MECOM: variants seen among roughly 807,000 people sequenced by gnomAD.
The protein encoded by MECOM is MDS1 and EVI1 complex locus.
MECOM carries 13 observed loss-of-function variants against 116.3 expected under a neutral mutation model. The observed-to-expected ratio is 0.11, with a 90% CI of 0.07 to 0.18. The LOEUF (loss-of-function observed/expected upper bound fraction) is 0.18. MECOM is among the 10% of genes least tolerant of loss of function. The pLI, the probability that MECOM is intolerant of heterozygous loss-of-function variation, is 1.00. For missense variants in MECOM, 1,299 were observed against 1,509.0 expected, an observed-to-expected ratio of 0.86 and a Z score of 2.31; for synonymous variants, 528 against 535.2, an observed-to-expected ratio of 0.99 and a Z score of 0.19.
chr3:169,335,890 T>A (rs1276527525), intron 2 of MECOM, among the ~76,000 whole-genome samples: 1 of 152,148 alleles, frequency 6.6e-6, no homozygotes, highest in Admixed American at 6.6e-5. Context: ...TGATTTCATA[T>A]TATCTTAATA....
At chr3:169,234,247 C>T (rs1365608894) in intron 2 of MECOM, among the ~76,000 whole-genome samples, 5 of 151,976 alleles carry the variant, frequency 3.3e-5, no homozygotes, top group African/African-American at 7.2e-5. Flanking sequence ...GCCATTCAAG[C>T]GATGACCACT....
intron 2 of MECOM, among the ~76,000 whole-genome samples, chr3:169,273,821 C>T (rs1488740611): frequency 1.3e-5 from 2 of 151,956 alleles, no homozygotes; most frequent in Admixed American, 6.6e-5. Flanking sequence ...TGGTTTTGTC[C>T]CTGTGTGCTA....
intron 9 of MECOM, among the ~76,000 whole-genome samples, chr3:169,110,385 T>G (rs1726943928): frequency 6.6e-6 from 1 of 152,124 alleles, no homozygotes; most frequent in Admixed American, 6.6e-5. Context: ...CAATGCTAAA[T>G]ATGTTGCGTA....
intron 2 of MECOM, among the ~76,000 whole-genome samples, chr3:169,378,867 A>T (rs1398293823): frequency 6.6e-6 from 1 of 152,078 alleles, no homozygotes; most frequent in Non-Finnish European, 1.5e-5. Flanking sequence ...GTAGTCCCTC[A>T]ATAATTGTTT....
intron 2 of MECOM, among the ~76,000 whole-genome samples, chr3:169,250,432 C>T (rs1485914334): frequency 2.6e-5 from 4 of 152,102 alleles, no homozygotes; most frequent in African/African-American, 9.7e-5. Context: ...CAAGTGAAGA[C>T]CTTTATGCAA....
intron 1 of MECOM, among the ~76,000 whole-genome samples, chr3:169,494,481 A>T (rs1451689511): frequency 6.6e-6 from 1 of 152,236 alleles, no homozygotes; most frequent in Non-Finnish European, 1.5e-5. Context: ...CAATTAAAGC[A>T]AGGAAAAGTT....
chr3:169,170,280 G>A (rs995430325), intron 2 of MECOM, among the ~76,000 whole-genome samples: 1 of 151,508 alleles, frequency 6.6e-6, no homozygotes, highest in Non-Finnish European at 1.5e-5. Flanking sequence ...GTGTGGTGGC[G>A]CATGTAGTCC....
chr3:169,129,851 T>A (rs1393964794), intron 4 of MECOM, among the ~76,000 whole-genome samples: 1 of 152,164 alleles, frequency 6.6e-6, no homozygotes, highest in Admixed American at 6.5e-5. Flanking sequence ...TTTCCCTATA[T>A]GTAAAATGGA....
At chr3:169,662,274 C>A (rs1776377386) in intron 1 of MECOM, among the ~76,000 whole-genome samples, 1 of 152,204 alleles carries the variant, frequency 6.6e-6, no homozygotes, top group African/African-American at 2.4e-5. Flanking sequence ...GACCCTGGAC[C>A]CAGGCTGCAC....
intron 1 of MECOM, among the ~76,000 whole-genome samples, chr3:169,508,752 C>T (rs1755605542): frequency 6.6e-6 from 1 of 152,092 alleles, no homozygotes; most frequent in South Asian, 2.1e-4. Flanking sequence ...AAAGTTGTTG[C>T]CTCTTTGATG....
In MECOM at chr3:169,468,356, T is replaced by C. The variant is rs147559164; in HGVS notation, c.38-86832A>G. Among the ~76,000 whole-genome samples, 439 of 152,340 alleles carry C rather than the reference T, an allele frequency of 2.9e-3. 1 individual carries two copies. Among genetic ancestry groups the C allele is most frequent in the Middle Eastern group, 6.8e-3 (2 of 292 alleles). ...CACTGGTCTCATGTTCTCTCTTTTA[T>C]GTGTACAAACACGTACTTAATTCTT... is the stretch of plus-strand genomic sequence containing the variant. On this transcript the variant is annotated intron_variant, in intron 1 of 16. Coordinates refer to ENST00000651503, the MANE Select transcript of MECOM (RefSeq NM_004991.4).
chr3:169,648,136 G>A (rs551047216), intron 1 of MECOM, among the ~76,000 whole-genome samples: 11 of 152,238 alleles, frequency 7.2e-5, no homozygotes, highest in Admixed American at 2.0e-4. Flanking sequence ...TACTCCAGAA[G>A]CAGTAGAAGG....
chr3:169,113,669 A>T (rs1170103255), intron 8 of MECOM, among the ~76,000 whole-genome samples: 1 of 152,078 alleles, frequency 6.6e-6, no homozygotes, highest in Non-Finnish European at 1.5e-5. Context: ...TGTTGAATTA[A>T]TTCATTGAAT....
rs1479079770 is a variant in MECOM at position 169,132,015 on chromosome 3, G to A, written c.511-484C>T. 3.1e-6 allele frequency: 3 copies of A among 973,196 alleles called. No homozygotes were observed. The African/African-American group carries it at 5.3e-5, about 17-fold the overall frequency. 60.3% of individuals were successfully genotyped at this position (973,196 alleles called of 1,614,324 possible). ...TGTTTGGAAGGTAATAGGTTGAAAG[G>A]ACATGACATAAAGGATCATGACAAC... On this transcript the variant is annotated intron_variant, in intron 3 of 16. Coordinates refer to ENST00000651503, the MANE Select transcript of MECOM (RefSeq NM_004991.4).
Position 169,381,605 on chromosome 3 carries a change from T to C in MECOM, c.38-81A>G, listed in dbSNP as rs534970405. 7 of 1,082,450 alleles carry C rather than the reference T, an allele frequency of 6.5e-6. No homozygotes were observed. In the South Asian group the frequency reaches 8.5e-5, roughly 13 times the overall value. 67.1% of individuals were successfully genotyped at this position (1,082,450 alleles called of 1,614,324 possible). On this transcript the variant is annotated intron_variant, in intron 1 of 16. Coordinates refer to ENST00000651503, the MANE Select transcript of MECOM (RefSeq NM_004991.4). ...CACAGGGGTAGCCACCTTATTATGT[T>C]GTTCTTTGAAGGATAAACAGGAAAG...
intron 1 of MECOM, among the ~76,000 whole-genome samples, chr3:169,402,691 C>T (rs1055851467): frequency 1.3e-5 from 2 of 152,052 alleles, no homozygotes; most frequent in Non-Finnish European, 2.9e-5. Flanking sequence ...CATTAGAGGA[C>T]ACCTTCACTA....
chr3:169,539,139 A>G (rs1759753860), intron 1 of MECOM, among the ~76,000 whole-genome samples: 1 of 152,136 alleles, frequency 6.6e-6, no homozygotes, highest in African/African-American at 2.4e-5. Flanking sequence ...GTTGTTCTTT[A>G]AATATATTAG....
rs529600386 is a variant in MECOM at position 169,535,084 on chromosome 3, C to T, written c.37+128252G>A. On this transcript the variant is annotated intron_variant, in intron 1 of 16. Coordinates refer to ENST00000651503, the MANE Select transcript of MECOM (RefSeq NM_004991.4). ...AAGCCACAGACAGAGGGATCTGAAACCTGGGCCAACTTTCCCTGAACTGCC... is the reference window on the plus strand; with the variant it reads ...AAGCCACAGACAGAGGGATCTGAAATCTGGGCCAACTTTCCCTGAACTGCC... 2.6e-5 allele frequency among the ~76,000 whole-genome samples: 4 copies of T among 152,262 alleles called. No homozygotes were observed. The South Asian group carries it at 8.3e-4, about 32-fold the overall frequency.
intron 1 of MECOM, among the ~76,000 whole-genome samples, chr3:169,398,390 A>G (rs1270533232): frequency 6.6e-6 from 1 of 152,190 alleles, no homozygotes; most frequent in Non-Finnish European, 1.5e-5. Context: ...GGATTGAAGA[A>G]CATATCATAC....
Sources: allele counts gnomAD v4.1 joint callset (sites outside exome capture counted in the v4.1 genomes callset), GRCh38; gene constraint gnomAD v4.1.1; transcripts MANE v1.5; gene names NCBI Gene and HGNC (gene_info 2026-07-23, HGNC 2026-07-21).